PRDM1: variants seen among roughly 807,000 people sequenced by gnomAD.
PRDM1 encodes PR domain zinc finger protein 1.
Under a neutral mutation model 62.8 loss-of-function variants are expected in PRDM1, and 13 were observed. The ratio of observed to expected loss-of-function variants is 0.21; its 90% confidence interval spans 0.13 to 0.33. PRDM1 has a LOEUF of 0.33. Ranked by LOEUF, PRDM1 falls within the 10% of genes least tolerant of loss-of-function variation. The probability of loss-of-function intolerance (pLI) is 1.00; values close to 1 mark genes in which losing one functional copy is unlikely to be tolerated. For synonymous variants in PRDM1, 396 were observed against 417.6 expected (o/e 0.95, Z 0.63); for missense variants, 895 against 1,058.8 (o/e 0.85, Z 2.15).
intron 1 of PRDM1, among the ~76,000 whole-genome samples, chr6:106,071,761 C>CACAACCA (rs1325275675): frequency 6.6e-6 from 1 of 150,938 alleles, no homozygotes; most frequent in Non-Finnish European, 1.5e-5. Context: ...GGGAATGTTC[C>CACAACCA]ACAACCACAG....
intron 1 of PRDM1, among the ~76,000 whole-genome samples, chr6:106,028,725 T>A (rs941994477): frequency 1.3e-5 from 2 of 152,156 alleles, no homozygotes; most frequent in Non-Finnish European, 2.9e-5. Context: ...ACAGTTGAGA[T>A]GATGAACATT....
At chr6:105,996,620 C>G (rs1196214995) in intron 1 of PRDM1, among the ~76,000 whole-genome samples, 2 of 152,148 alleles carry the variant, frequency 1.3e-5, no homozygotes, top group African/African-American at 2.4e-5. Context: ...ATTTTGAAAT[C>G]TATTTGGTTT....
intron 4 of PRDM1, 130 bp downstream of exon 4, chr6:106,099,682 G>T (rs1309895856): frequency 7.8e-7 from 1 of 1,285,984 alleles, no homozygotes; most frequent in African/African-American, 1.5e-5. Context: ...TTAAGCTAGG[G>T]ACTAGGAAGA....
At chr6:106,020,118 C>T (rs1772677741) in intron 1 of PRDM1, among the ~76,000 whole-genome samples, 1 of 148,772 alleles carries the variant, frequency 6.7e-6, no homozygotes, top group Non-Finnish European at 1.5e-5. Context: ...ATCCAAGCTA[C>T]TTGGGAGGCT....
intron 1 of PRDM1, among the ~76,000 whole-genome samples, chr6:106,042,256 C>T (rs1163902294): frequency 2.0e-5 from 3 of 151,814 alleles, no homozygotes; most frequent in Non-Finnish European, 4.4e-5. Flanking sequence ...CATGGTGGCT[C>T]ATGCCTGTAA....
At position 106,105,798 on chromosome 6, in the gene PRDM1, C is replaced by T; in HGVS notation, c.1638C>T (p.Ala546=). Residue 546 remains alanine, a synonymous_variant, in exon 5 of 7, where the codon GCC becomes GCT. Transcript: ENST00000369096. Reference sequence around the variant, plus strand: ...TGGCAGCCCCCAGCAGCGACGAAGCCATGAATCTCATTAAAAACAAAAGAA... The same window carrying T: ...TGGCAGCCCCCAGCAGCGACGAAGCTATGAATCTCATTAAAAACAAAAGAA... ...AAMAAPSSDE[A]MNLIKNKRNM... is the part of the protein sequence containing the mutation. The T allele has an allele frequency of 1.9e-6, 3 of 1,614,220 alleles. No individual in the cohort carries two copies. The highest frequency in any genetic ancestry group is 1.6e-4 in the Middle Eastern group (1 of 6,062).
chr6:106,027,454 G>T (rs1350682524), intron 1 of PRDM1, among the ~76,000 whole-genome samples: 1 of 152,218 alleles, frequency 6.6e-6, no homozygotes, highest in East Asian at 1.9e-4. Context: ...ACAGAATGCG[G>T]ATGGTCCGGG....
At chr6:106,071,412 C>G (rs907984072) in intron 1 of PRDM1, among the ~76,000 whole-genome samples, 3 of 151,970 alleles carry the variant, frequency 2.0e-5, no homozygotes, top group African/African-American at 4.8e-5. Flanking sequence ...CACACACATA[C>G]ATACATACAT....
intron 1 of PRDM1, among the ~76,000 whole-genome samples, chr6:105,995,896 C>T (rs555586086): frequency 3.3e-5 from 5 of 152,272 alleles, no homozygotes; most frequent in Non-Finnish European, 7.4e-5. Flanking sequence ...CTTTTAAACA[C>T]TGTGGTTCAA....
At chr6:106,079,971 G>A (rs977420569) in intron 1 of PRDM1, among the ~76,000 whole-genome samples, 1 of 152,204 alleles carries the variant, frequency 6.6e-6, no homozygotes, top group African/African-American at 2.4e-5. Context: ...AACACACCCA[G>A]GGGCCAAGAT....
intron 1 of PRDM1, among the ~76,000 whole-genome samples, chr6:106,019,141 C>T (rs866369301): frequency 1.1e-4 from 16 of 150,836 alleles, no homozygotes; most frequent in African/African-American, 3.9e-4. Context: ...TGGCACACAC[C>T]TATAGTCCCA....
At chr6:106,083,944 C>T (rs1009797363), upstream of PRDM1, among the ~76,000 whole-genome samples, 1 of 152,180 alleles carries the variant, frequency 6.6e-6, no homozygotes, top group African/African-American at 2.4e-5. Context: ...CTGGGAGGAC[C>T]GAGTGAAGTT....
At chr6:105,999,976 A>C (rs978106616) in intron 1 of PRDM1, among the ~76,000 whole-genome samples, 2 of 152,036 alleles carry the variant, frequency 1.3e-5, no homozygotes, top group African/African-American at 4.8e-5. Flanking sequence ...CAGCCTCCCA[A>C]GTAGCTGGGA....
At chr6:106,095,569 C>T in intron 2 of PRDM1, 46 bp from the exon 3 acceptor site, 2 of 1,597,246 alleles carry the variant, frequency 1.3e-6, no homozygotes, top group Non-Finnish European at 1.7e-6. Context: ...GATTGGTTAA[C>T]ATTTTATAGT....
At chr6:106,053,017 A>C (rs944110470) in intron 1 of PRDM1, among the ~76,000 whole-genome samples, 1 of 152,058 alleles carries the variant, frequency 6.6e-6, no homozygotes, top group Non-Finnish European at 1.5e-5. Context: ...ACCTAAAAAA[A>C]CCCTCAAATA....
At chr6:106,009,669 G>T (rs1772522145) in intron 1 of PRDM1, among the ~76,000 whole-genome samples, 1 of 152,178 alleles carries the variant, frequency 6.6e-6, no homozygotes, top group Non-Finnish European at 1.5e-5. Context: ...GCTAACTCAG[G>T]ACGAAAGTTT....
chr6:106,020,224 T>C lies in PRDM1; in HGVS notation c.-67+26585T>C, dbSNP rs148520536. On this transcript the variant is annotated intron_variant, in intron 1 of 6. Coordinates refer to the PRDM1 transcript ENST00000652320. ...CCACAAACAAACAAAAACATGAAAG[T>C]TAAAAAGAGAGGGAACCAATATTTA... Among the ~76,000 whole-genome samples the C allele has an allele frequency of 4.7e-3, 716 of 151,086 alleles. 10 individuals are homozygous for C. The highest frequency in any genetic ancestry group is 0.016 in the African/African-American group (673 of 41,334).
At chr6:106,025,925 A>G (rs1157362344) in intron 1 of PRDM1, among the ~76,000 whole-genome samples, 1 of 152,152 alleles carries the variant, frequency 6.6e-6, no homozygotes, top group Non-Finnish European at 1.5e-5. Flanking sequence ...GACCTCATGC[A>G]TTTCTGAAAT....
Position 106,089,497 on chromosome 6 carries a change from CTCTT to C in PRDM1, c.291+1051_291+1054del, listed in dbSNP as rs200820203. 3.7e-3 allele frequency among the ~76,000 whole-genome samples: 557 copies of C among 152,310 alleles called. 1 individual carries two copies. The highest frequency in any genetic ancestry group is 0.012 in the African/African-American group (512 of 41,554). On this transcript the variant is annotated intron_variant, in intron 2 of 6. Transcript: ENST00000369096. Reference sequence around the variant, plus strand: ...TCCGGGAGACTAGGAAATGCTTTGTCTCTTTCCTGTTTGTGTGTCTGAGTCCAGT... The same window carrying C: ...TCCGGGAGACTAGGAAATGCTTTGTCTCCTGTTTGTGTGTCTGAGTCCAGT...
Sources: gnomAD v4.1 joint callset for allele counts (sites outside exome capture counted in the v4.1 genomes callset) on GRCh38, gnomAD v4.1.1 for gene constraint, MANE v1.5 for transcripts, NCBI Gene and HGNC (gene_info 2026-07-23, HGNC 2026-07-21) for gene names.